Variants in CASK observed in about 807,000 individuals in gnomAD.
CASK encodes the protein calcium/calmodulin dependent serine protein kinase, also known as peripheral plasma membrane protein CASK.
A neutral mutation model predicts 82.9 loss-of-function variants in CASK; 4 were observed. The observed-to-expected ratio is 0.05, with a 90% CI of 0.02 to 0.11. The LOEUF is 0.11. Among genes scored for constraint, CASK ranks in the 10% least tolerant of loss-of-function variants. The probability of loss-of-function intolerance (pLI) is 1.00; values close to 1 mark genes in which losing one functional copy is unlikely to be tolerated. For synonymous variants in CASK, 259 were observed against 253.5 expected, an observed-to-expected ratio of 1.02 and a Z score of -0.20; for missense variants, 358 against 720.9, an observed-to-expected ratio of 0.50 and a Z score of 5.76.
intron 5 of CASK, among the ~76,000 whole-genome samples, chrX:41,724,736 A>G (rs945624805): frequency 1.8e-5 from 2 of 112,008 alleles, no homozygotes; most frequent in African/African-American, 6.5e-5. Context: ...TGAGAGTCCT[A>G]CAGAGACTCA....
At chrX:41,606,357 C>T (rs2065962305) in intron 12 of CASK, among the ~76,000 whole-genome samples, 1 of 112,342 alleles carries the variant, frequency 8.9e-6, no homozygotes, top group African/African-American at 3.2e-5. Flanking sequence ...TCTCCACCTC[C>T]TGGGTTCAAG....
chrX:41,712,216 A>C (rs780925845), intron 5 of CASK, among the ~76,000 whole-genome samples: 2 of 112,714 alleles, frequency 1.8e-5, no homozygotes, highest in African/African-American at 6.4e-5. Flanking sequence ...TCAGCTACTA[A>C]AGGTAAAAGT....
At chrX:41,697,062 T>C (rs1218672040) in intron 5 of CASK, 4 of 220,026 alleles carry the variant, frequency 1.8e-5, no homozygotes, top group Non-Finnish European at 3.5e-5. Context: ...AGTGCCATAG[T>C]TTCTCAAGTG....
chrX:41,681,680 A>C (rs764961165), intron 5 of CASK, among the ~76,000 whole-genome samples: 16 of 111,542 alleles, frequency 1.4e-4, no homozygotes, highest in Non-Finnish European at 2.1e-4. Flanking sequence ...AAACAGAGGA[A>C]AGTCATGACA....
intron 2 of CASK, among the ~76,000 whole-genome samples, chrX:41,788,894 C>T (rs2069664828): frequency 9.0e-6 from 1 of 111,214 alleles, no homozygotes; most frequent in African/African-American, 3.3e-5. Flanking sequence ...GGGCTAAGTA[C>T]TTAATATAGT....
intron 3 of CASK, chrX:41,786,666 T>C (rs137992823): frequency 0.017 from 2,388 of 141,662 alleles, 56 homozygotes; most frequent in African/African-American, 0.069. Flanking sequence ...TATCCTTAGC[T>C]CACAATTCTC....
At chrX:41,630,641 C>A (rs768009148) in intron 9 of CASK, among the ~76,000 whole-genome samples, 1 of 111,428 alleles carries the variant, frequency 9.0e-6, no homozygotes, top group Non-Finnish European at 1.9e-5. Flanking sequence ...ACCTAAATAA[C>A]AAGGTAATAT....
At chrX:41,765,616 T>C (rs1277459953) in intron 3 of CASK, among the ~76,000 whole-genome samples, 2 of 111,906 alleles carry the variant, frequency 1.8e-5, no homozygotes, top group African/African-American at 3.2e-5. Context: ...TATTAAAATT[T>C]TTTAAAAATC....
rs771653086 is a variant in CASK at position 41,741,337 on chromosome X, A to G, written c.357-1881T>C. Among the ~76,000 whole-genome samples, 84 of 112,280 alleles carry G rather than the reference A, an allele frequency of 7.5e-4. 2 individuals carry two copies. Among genetic ancestry groups the G allele is most frequent in the Middle Eastern group, 9.2e-3 (2 of 218 alleles). On this transcript the variant is annotated intron_variant, in intron 4 of 26. Transcript: ENST00000378163. ...TAAACCATGCTACAAAGGTTAAGAC[A>G]TTATTAGTACAATATTATTATTGTT...
intron 2 of CASK, among the ~76,000 whole-genome samples, chrX:41,813,487 A>G (rs1602664656): frequency 1.8e-5 from 2 of 111,440 alleles, no homozygotes; most frequent in African/African-American, 6.5e-5. Context: ...AACAAGAAAT[A>G]GGGAAAGTAT....
At chrX:41,911,732 G>A (rs1229954101) in intron 1 of CASK, among the ~76,000 whole-genome samples, 3 of 111,863 alleles carry the variant, frequency 2.7e-5, no homozygotes, top group East Asian at 2.8e-4. Context: ...AACATAAGAA[G>A]TGTGATACAA....
At chrX:41,814,081 T>A (rs1281711281) in intron 2 of CASK, among the ~76,000 whole-genome samples, 4 of 111,821 alleles carry the variant, frequency 3.6e-5, no homozygotes, top group East Asian at 5.6e-4. Flanking sequence ...ATCATTAAAA[T>A]GTCAGCAAAC....
At chrX:41,786,459 C>T (rs765507756) in intron 3 of CASK, among the ~76,000 whole-genome samples, 1 of 106,445 alleles carries the variant, frequency 9.4e-6, no homozygotes, top group African/African-American at 3.4e-5. Flanking sequence ...GTCTCGAACT[C>T]CTGGCCTCAA....
intron 5 of CASK, among the ~76,000 whole-genome samples, chrX:41,686,160 G>A (rs1334167125): frequency 1.8e-5 from 2 of 110,553 alleles, no homozygotes; most frequent in Non-Finnish European, 3.8e-5. Context: ...TGCAATCTTG[G>A]CTCACTGCAA....
At chrX:41,583,639 G>A (rs1166980199) in intron 14 of CASK, among the ~76,000 whole-genome samples, 1 of 107,098 alleles carries the variant, frequency 9.3e-6, no homozygotes, top group Admixed American at 1.0e-4. Flanking sequence ...TAGAGATGGG[G>A]TTTCACCATG....
At position 41,792,289 on chromosome X, in the gene CASK, A is replaced by AT. The variant is rs757353818; in HGVS notation, c.173-5007dup. On this transcript the variant is annotated intron_variant, in intron 2 of 26. Coordinates refer to ENST00000378163, the MANE Select transcript of CASK (RefSeq NM_001367721.1). ...GTTTGCTCGAGAGCATTCAATAAGG[A>AT]TTTTTTTTTTTTTTTTTTTGAGCTA... Among the ~76,000 whole-genome samples, 739 of 91,368 alleles carry AT rather than the reference A, an allele frequency of 8.1e-3. 4 individuals carry two copies. Among genetic ancestry groups the AT allele is most frequent in the East Asian group, 0.016 (49 of 3,056 alleles). 79.3% of individuals were successfully genotyped at this position (91,368 alleles called of 115,157 possible).
intron 3 of CASK, among the ~76,000 whole-genome samples, chrX:41,775,440 C>G (rs1340685300): frequency 3.8e-5 from 4 of 106,587 alleles, no homozygotes; most frequent in Non-Finnish European, 5.9e-5. Flanking sequence ...GTTGGTAGGA[C>G]TGTAAACTAG....
At chrX:41,734,889 T>G (rs995639561) in intron 5 of CASK, among the ~76,000 whole-genome samples, 8 of 111,840 alleles carry the variant, frequency 7.2e-5, no homozygotes, top group Non-Finnish European at 1.1e-4. Flanking sequence ...ATTATATGAT[T>G]GCTTTTTATG....
intron 1 of CASK, among the ~76,000 whole-genome samples, chrX:41,871,118 C>T (rs779185643): frequency 1.8e-5 from 2 of 111,754 alleles, no homozygotes; most frequent in South Asian, 7.6e-4. Context: ...TCCTTGTTGG[C>T]TATCAGCCAG....
Sources: gnomAD v4.1 joint callset for allele counts (sites outside exome capture counted in the v4.1 genomes callset) on GRCh38, gnomAD v4.1.1 for gene constraint, MANE v1.5 for transcripts, NCBI Gene and HGNC (gene_info 2026-07-23, HGNC 2026-07-21) for gene names.